RUFY1: variants seen among roughly 807,000 people sequenced by gnomAD.
RUFY1 encodes RUN and FYVE domain containing 1, also known as RUN and FYVE domain-containing protein 1.
Under a neutral mutation model 94.6 loss-of-function variants are expected in RUFY1, and 54 were observed. The ratio of observed to expected loss-of-function variants is 0.57; its 90% confidence interval spans 0.46 to 0.72. The LOEUF is 0.72. Among genes scored for constraint, RUFY1 ranks in the 30% least tolerant of loss-of-function variants. RUFY1 has a pLI of 0.00. For missense variants in RUFY1, 883 were observed against 883.9 expected, an observed-to-expected ratio of 1.00 and a Z score of 0.01; for synonymous variants, 396 against 347.3, an observed-to-expected ratio of 1.14 and a Z score of -1.56.
chr5:179,587,030 T>A (rs935845198), intron 8 of RUFY1, among the ~76,000 whole-genome samples: 8 of 152,200 alleles, frequency 5.3e-5, no homozygotes, highest in African/African-American at 1.9e-4. Flanking sequence ...CCAATTGAGC[T>A]TTTGAAACTA....
intron 14 of RUFY1, chr5:179,599,604 A>G (rs1321807072): frequency 6.6e-6 from 1 of 152,380 alleles, no homozygotes; most frequent in Non-Finnish European, 1.5e-5. Flanking sequence ...TGGACCTCCC[A>G]GGAAACTCCG....
At chr5:179,561,686 T>TC (rs1301472381) in intron 2 of RUFY1, among the ~76,000 whole-genome samples, 5 of 79,330 alleles carry the variant, frequency 6.3e-5, no homozygotes, top group African/African-American at 1.8e-4. Flanking sequence ...TTCTTTTTTT[T>TC]TTTTTTTTTT....
At position 179,600,684 on chromosome 5, in the gene RUFY1, C is replaced by CTTTTTTTTTTTTT. The variant is rs398000079; in HGVS notation, c.1762-1190_1762-1178dup. On this transcript the variant is annotated intron_variant, in intron 14 of 17. Coordinates refer to ENST00000319449, the MANE Select transcript of RUFY1 (RefSeq NM_025158.5). The stretch of plus-strand genomic sequence containing the variant: ...AGCCTCATTTGTCCTATGATGGTAA[C>CTTTTTTTTTTTTT]TTTTTTTTTTTTTTTTTTTTTTTTT... Among the ~76,000 whole-genome samples the CTTTTTTTTTTTTT allele has an allele frequency of 6.2e-4, 34 of 54,708 alleles. 8 individuals are homozygous for CTTTTTTTTTTTTT. Among genetic ancestry groups the CTTTTTTTTTTTTT allele is most frequent in the African/African-American group, 2.5e-3 (31 of 12,448 alleles). 35.9% of individuals were successfully genotyped at this position (54,708 alleles called of 152,430 possible).
intron 1 of RUFY1, among the ~76,000 whole-genome samples, chr5:179,553,621 TA>T (rs375638833): frequency 9.7e-5 from 14 of 144,896 alleles, no homozygotes; most frequent in Admixed American, 1.4e-4. Flanking sequence ...CTATCTCTAC[TA>T]AAAAAAAAAG....
intron 10 of RUFY1, 144 bp downstream of exon 10, chr5:179,591,885 G>T: frequency 5.9e-6 from 3 of 504,340 alleles, no homozygotes; most frequent in Admixed American, 3.6e-5. Flanking sequence ...TTAAGTCTAT[G>T]GTTACAACTC....
chr5:179,559,589 CT>C, intron 1 of RUFY1: 1 of 879,976 alleles, frequency 1.1e-6, no homozygotes, highest in Non-Finnish European at 1.4e-6. Flanking sequence ...AGGCCTTGAG[CT>C]GGACTCGCCC....
At chr5:179,583,254 T>C (rs71613403) in intron 7 of RUFY1, among the ~76,000 whole-genome samples, 6 of 151,504 alleles carry the variant, frequency 4.0e-5, no homozygotes, top group African/African-American at 1.5e-4. Context: ...GAGCTGAGAT[T>C]GCGCCACTGC....
At chr5:179,555,438 G>C (rs1762062728) in intron 1 of RUFY1, among the ~76,000 whole-genome samples, 1 of 152,020 alleles carries the variant, frequency 6.6e-6, no homozygotes, top group South Asian at 2.1e-4. Flanking sequence ...GATCGTTCCA[G>C]GTTTAATTTT....
chr5:179,590,783 GC>G (rs1765012600), intron 9 of RUFY1: 1 of 151,552 alleles, frequency 6.6e-6, no homozygotes, highest in African/African-American at 2.4e-5. Context: ...ACCGCACCCG[GC>G]CAAGTCTTGT....
At chr5:179,597,358 C>A (rs1158696014) in intron 13 of RUFY1, among the ~76,000 whole-genome samples, 1 of 152,154 alleles carries the variant, frequency 6.6e-6, no homozygotes, top group Non-Finnish European at 1.5e-5. Flanking sequence ...GCCTCAGCCT[C>A]CCGAGCAGCT....
rs138823136 is a variant in RUFY1, at chr5:179,581,142, G to A, written c.956+130G>A. 113 of 615,584 alleles carry A rather than the reference G, an allele frequency of 1.8e-4. No homozygotes were observed. In the African/African-American group the frequency reaches 1.9e-3, roughly 10 times the overall value. 38.1% of individuals were successfully genotyped at this position (615,584 alleles called of 1,614,324 possible). On this transcript the variant is annotated intron_variant, in intron 7 of 17. Transcript: ENST00000319449. The stretch of plus-strand genomic sequence containing the variant: ...ACCAAGACAAAAGGGTCATCATTCA[G>A]GCAACATTTATTTGTACAAACTGAA...
chr5:179,591,513 A>C, intron 9 of RUFY1, 112 bp from the exon 10 acceptor site: 1 of 750,768 alleles, frequency 1.3e-6, no homozygotes, highest in East Asian at 2.8e-5. Context: ...CCATGCTTAA[A>C]AAATAAAAAT....
intron 4 of RUFY1, 33 bp from the exon 5 acceptor site, chr5:179,569,269 T>G: frequency 6.2e-7 from 1 of 1,613,422 alleles, no homozygotes; most frequent in Non-Finnish European, 8.5e-7. Context: ...AAGCTGTTTC[T>G]GAGCATCGCC....
intron 1 of RUFY1, 99 bp from the exon 2 acceptor site, chr5:179,559,926 G>T (rs1459269685): frequency 2.7e-6 from 4 of 1,487,192 alleles, no homozygotes; most frequent in Middle Eastern, 2.1e-4. Flanking sequence ...TAAGCAGACC[G>T]CCTGGCCTCC....
Position 179,605,766 on chromosome 5 carries a change from C to G in RUFY1, c.1857-110C>G, listed in dbSNP as rs568470886. 6.6e-5 allele frequency: 51 copies of G among 775,018 alleles called. 3 individuals carry two copies. In the South Asian group the frequency reaches 7.1e-4, roughly 11 times the overall value. 48.0% of individuals were successfully genotyped at this position (775,018 alleles called of 1,614,324 possible). A position where few individuals can be genotyped will look rare whatever the true frequency, so the allele number is the denominator to read the frequency against. On this transcript the variant is annotated intron_variant, in intron 15 of 17. Coordinates refer to ENST00000319449, the MANE Select transcript of RUFY1 (RefSeq NM_025158.5). ...TTTTAACAACTCACGTTCTGGGTCT[C>G]CTCACAAGTCCGGTATCCTCACAAA...
chr5:179,590,178 C>T (rs1764937763), intron 9 of RUFY1, among the ~76,000 whole-genome samples: 1 of 151,912 alleles, frequency 6.6e-6, no homozygotes, highest in Non-Finnish European at 1.5e-5. Context: ...ACAGTGAAAC[C>T]CCGTCTCTAC....
chr5:179,606,941 C>G (rs751659267), intron 16 of RUFY1: 1 of 153,386 alleles, frequency 6.5e-6, no homozygotes, highest in Non-Finnish European at 1.5e-5. Context: ...CCAAATAAAT[C>G]ACAGGTGCTG....
chr5:179,577,763 C>T (rs995012811), intron 6 of RUFY1, among the ~76,000 whole-genome samples: 7 of 147,058 alleles, frequency 4.8e-5, no homozygotes, highest in South Asian at 2.2e-4. Flanking sequence ...CACCGGTGGT[C>T]GGGCGGCGGA....
At chr5:179,603,320 G>A (rs966037748) in intron 15 of RUFY1, among the ~76,000 whole-genome samples, 7 of 151,512 alleles carry the variant, frequency 4.6e-5, no homozygotes, top group African/African-American at 7.3e-5. Context: ...GTGGGAATGC[G>A]GTCTGCCCAC....
Sources: gnomAD v4.1 joint callset for allele counts (sites outside exome capture counted in the v4.1 genomes callset) on GRCh38, gnomAD v4.1.1 for gene constraint, MANE v1.5 for transcripts, NCBI Gene and HGNC (gene_info 2026-07-23, HGNC 2026-07-21) for gene names.